TMED3: variants seen among roughly 807,000 people sequenced by gnomAD.
The protein encoded by TMED3 is transmembrane emp24 domain-containing protein 3.
Under a neutral mutation model 15.0 loss-of-function variants are expected in TMED3, and 9 were observed. That is an observed-to-expected ratio of 0.60 (90% CI 0.36 to 1.04). The LOEUF (loss-of-function observed/expected upper bound fraction) is 1.04, where lower values mean the gene tolerates loss of function less well. TMED3 is among the 50% of genes least tolerant of loss of function. TMED3 has a pLI of 0.01. For synonymous variants in TMED3, 117 were observed against 121.4 expected, an observed-to-expected ratio of 0.96 and a Z score of 0.24; for missense variants, 267 against 278.9, an observed-to-expected ratio of 0.96 and a Z score of 0.30.
rs1260701741 is a variant in TMED3 at position 79,337,475 on chromosome 15, AG to A, written c.417+23474del. Among the ~76,000 whole-genome samples, 4 of 152,334 alleles carry A rather than the reference AG, an allele frequency of 2.6e-5. No homozygotes were observed. In the East Asian group the frequency reaches 5.8e-4, roughly 22 times the overall value. On this transcript the variant is annotated intron_variant, in intron 2 of 2. Coordinates refer to the TMED3 transcript ENST00000424155. ...ACAAAAATAGAATAATTTGGGAGAA[AG>A]GGGAGGACACAGTTCAGCCAATAAC...
At chr15:79,313,629 C>G in intron 1 of TMED3, 128 bp from the exon 2 acceptor site, 1 of 1,268,936 alleles carries the variant, frequency 7.9e-7, no homozygotes, top group Non-Finnish European at 1.1e-6. Flanking sequence ...AGTGGCGTAG[C>G]ACCTGCCTTA....
chr15:79,313,693 C>T, intron 1 of TMED3, 64 bp from the exon 2 acceptor site: 1 of 1,559,880 alleles, frequency 6.4e-7, no homozygotes, highest in Non-Finnish European at 8.7e-7. Flanking sequence ...ATCACAGTGT[C>T]TGGTTGGCAT....
At chr15:79,399,445 A>C (rs1245097756) in intron 2 of TMED3, among the ~76,000 whole-genome samples, 1 of 152,132 alleles carries the variant, frequency 6.6e-6, no homozygotes, top group Non-Finnish European at 1.5e-5. Flanking sequence ...CGCAAAAAAG[A>C]GGAAAGAAAG....
At chr15:79,398,127 C>T (rs1392657970) in intron 2 of TMED3, among the ~76,000 whole-genome samples, 2 of 152,086 alleles carry the variant, frequency 1.3e-5, no homozygotes, top group African/African-American at 4.8e-5. Flanking sequence ...AAAACCTCTG[C>T]GCTCTACCTA....
chr15:79,367,080 C>A (rs753448167), intron 2 of TMED3, among the ~76,000 whole-genome samples: 8 of 152,170 alleles, frequency 5.3e-5, no homozygotes, highest in Non-Finnish European at 1.0e-4. Context: ...CTCCTGACCC[C>A]AGCTGCTGGG....
At chr15:79,334,585 C>T (rs2058820811) in intron 2 of TMED3, among the ~76,000 whole-genome samples, 1 of 152,140 alleles carries the variant, frequency 6.6e-6, no homozygotes, top group Non-Finnish European at 1.5e-5. Context: ...ACCTCTGACT[C>T]GCAGCTTGCT....
At chr15:79,413,753 C>G (rs1477476034) in exon 3 of TMED3, 2 of 152,168 alleles carry the variant, frequency 1.3e-5, no homozygotes, top group Non-Finnish European at 2.9e-5. Flanking sequence ...CAGTGTGTAT[C>G]CCAGCACTAT....
At position 79,311,789 on chromosome 15, in the gene TMED3, A is replaced by G. The variant is rs3784542; in HGVS notation, c.168+372A>G. 2.9e-3 allele frequency among the ~76,000 whole-genome samples: 446 copies of G among 152,180 alleles called. 2 individuals carry two copies. Among genetic ancestry groups the G allele is most frequent in the East Asian group, 0.016 (85 of 5,156 alleles). ...CTCTCTAACCCCAGTCTCTTAGACC[A>G]CCTTGTGCCTTCGAGTACTGAAAAA... is the stretch of plus-strand genomic sequence containing the variant. On this transcript the variant is annotated intron_variant, in intron 1 of 2. Transcript: ENST00000299705.
chr15:79,388,421 T>TG (rs199507339), intron 2 of TMED3, among the ~76,000 whole-genome samples: 1,806 of 151,654 alleles, frequency 0.012, 81 homozygotes, highest in East Asian at 0.11. Flanking sequence ...AGGAGAATTA[T>TG]GTTTTTTTTT....
At chr15:79,327,930 C>T (rs1198588394) in intron 2 of TMED3, among the ~76,000 whole-genome samples, 1 of 152,142 alleles carries the variant, frequency 6.6e-6, no homozygotes, top group Non-Finnish European at 1.5e-5. Flanking sequence ...CAGCCAATGG[C>T]CATATCTTTT....
intron 2 of TMED3, among the ~76,000 whole-genome samples, chr15:79,353,039 A>T (rs1429987541): frequency 2.0e-5 from 2 of 100,200 alleles, no homozygotes; most frequent in African/African-American, 8.7e-5. Flanking sequence ...TTTTATATAT[A>T]TTATATATAT....
chr15:79,375,016 C>A (rs1014984511), intron 2 of TMED3, among the ~76,000 whole-genome samples: 1 of 152,204 alleles, frequency 6.6e-6, no homozygotes, highest in African/African-American at 2.4e-5. Flanking sequence ...AATTGCTAAT[C>A]TTATGTCTTC....
At chr15:79,373,719 C>T (rs566600222) in intron 2 of TMED3, among the ~76,000 whole-genome samples, 8 of 152,254 alleles carry the variant, frequency 5.3e-5, no homozygotes, top group South Asian at 4.1e-4. Context: ...AACATGCACG[C>T]CAGGTAGTTG....
Position 79,389,402 on chromosome 15 carries a change from G to A in TMED3, c.418-21998G>A, listed in dbSNP as rs1247840029. The stretch of plus-strand genomic sequence containing the variant: ...TTTGTCGAAGATCAGTTGTCTGTAA[G>A]TATTTGGGTTTATTTCCGGGTTCTC... On this transcript the variant is annotated intron_variant, in intron 2 of 2. Coordinates refer to the TMED3 transcript ENST00000424155. Among the ~76,000 whole-genome samples the A allele has an allele frequency of 3.3e-5, 5 of 152,116 alleles. No homozygotes were observed. The East Asian group carries it at 7.7e-4, about 23-fold the overall frequency.
intron 2 of TMED3, among the ~76,000 whole-genome samples, chr15:79,386,793 CG>C (rs1414278040): frequency 6.6e-6 from 1 of 150,978 alleles, no homozygotes; most frequent in Non-Finnish European, 1.5e-5. Flanking sequence ...ATGATCCACC[CG>C]TCTCAGCCTC....
chr15:79,332,857 A>G (rs923624424), intron 2 of TMED3, among the ~76,000 whole-genome samples: 8 of 152,180 alleles, frequency 5.3e-5, no homozygotes, highest in African/African-American at 9.7e-5. Context: ...GAGTCTAGCA[A>G]TTTAACTTCG....
chr15:79,366,383 C>T (rs116469527), intron 2 of TMED3, among the ~76,000 whole-genome samples: 1,562 of 152,336 alleles, frequency 0.01, 31 homozygotes, highest in African/African-American at 0.035. Context: ...TTATCCACAA[C>T]TGCCTTGGTA....
intron 2 of TMED3, among the ~76,000 whole-genome samples, chr15:79,381,842 G>A (rs59088672): frequency 0.033 from 5,006 of 152,230 alleles, 260 homozygotes; most frequent in African/African-American, 0.11. Flanking sequence ...TGTCCTCAAA[G>A]CACCTTCCTT....
At chr15:79,369,385 A>T (rs1265572673) in intron 2 of TMED3, among the ~76,000 whole-genome samples, 1 of 152,178 alleles carries the variant, frequency 6.6e-6, no homozygotes, top group Non-Finnish European at 1.5e-5. Flanking sequence ...CTGGTAAGTA[A>T]GGCACCAAGC....
Sources: allele counts gnomAD v4.1 joint callset (sites outside exome capture counted in the v4.1 genomes callset), GRCh38; gene constraint gnomAD v4.1.1; transcripts MANE v1.5; gene names NCBI Gene and HGNC (gene_info 2026-07-23, HGNC 2026-07-21).